The following ZNF577 variants were observed in gnomAD, a reference collection of about 807,000 sequenced individuals.
ZNF577 encodes the protein zinc finger protein 577.
A neutral mutation model predicts 13.9 loss-of-function variants in ZNF577; 14 were observed. The observed-to-expected ratio is 1.00, with a 90% CI of 0.66 to 1.57. The LOEUF (loss-of-function observed/expected upper bound fraction) is 1.57, where lower values mean the gene tolerates loss of function less well. ZNF577 is among the 40% of genes most tolerant of loss of function. The probability of loss-of-function intolerance (pLI) is 0.00; values close to 1 mark genes in which losing one functional copy is unlikely to be tolerated. For missense variants in ZNF577, 555 were observed against 579.2 expected (o/e 0.96, Z 0.43); for synonymous variants, 203 against 202.9 (o/e 1.00, Z 0.00).
At chr19:51,840,925 G>T (rs1249363893) in intron 8 of ZNF577, 1 of 152,122 alleles carries the variant, frequency 6.6e-6, no homozygotes, top group Non-Finnish European at 1.5e-5. Flanking sequence ...GGAGAATAAA[G>T]TATAGAGTTG....
Position 51,872,906 on chromosome 19 carries a change from CTT to C in ZNF577, c.1082_1083del (p.Lys361SerfsTer10). 9 of 1,614,194 alleles carry C rather than the reference CTT, an allele frequency of 5.6e-6. No individual in the cohort carries two copies. Among genetic ancestry groups the C allele is most frequent in the Non-Finnish European group, 7.6e-6 (9 of 1,180,028 alleles). On this transcript the variant is annotated frameshift_variant, in exon 6 of 6. Coordinates refer to ENST00000638348, the MANE Select transcript of ZNF577 (RefSeq NM_001370449.1). LOFTEE classifies it low-confidence loss of function (END_TRUNC). ...ERPYSCRECG[K>X]AFAHMSVLIK... The stretch of plus-strand genomic sequence containing the variant: ...ATGAGGACTGACATGTGGGCAAAGG[CTT>C]TGCCACATTCTCTGCATGAATATGG...
At chr19:51,806,795 G>A (rs2084061975) in intron 10 of ZNF577, among the ~76,000 whole-genome samples, 1 of 152,204 alleles carries the variant, frequency 6.6e-6, no homozygotes, top group African/African-American at 2.4e-5. Context: ...CAGCATATGA[G>A]AATAAGTGAA....
At chr19:51,834,769 A>G (rs2084280022) in intron 9 of ZNF577, among the ~76,000 whole-genome samples, 1 of 152,126 alleles carries the variant, frequency 6.6e-6, no homozygotes, top group Non-Finnish European at 1.5e-5. Context: ...CTGCAGCTTC[A>G]ACCTCTTGGG....
At chr19:51,843,379 G>A (rs534172374) in intron 6 of ZNF577, 12 of 152,244 alleles carry the variant, frequency 7.9e-5, no homozygotes, top group South Asian at 2.1e-4. Context: ...TATAAGACTC[G>A]TAGGACATTA....
downstream of ZNF577, among the ~76,000 whole-genome samples, chr19:51,866,134 A>G (rs774875717): frequency 7.9e-5 from 12 of 151,676 alleles, no homozygotes; most frequent in Non-Finnish European, 1.2e-4. Context: ...AAAATTAAAG[A>G]TATCTGGTTT....
chr19:51,859,479 T>C (rs2084474130), intron 5 of ZNF577, among the ~76,000 whole-genome samples: 1 of 152,200 alleles, frequency 6.6e-6, no homozygotes, highest in Admixed American at 6.5e-5. Flanking sequence ...AAACTTGAAA[T>C]ATATAGCCAT....
In ZNF577 at chr19:51,824,859, G is replaced by T; in HGVS notation, c.*600-13185C>A. ...GTCTCTTTCTACCCTGCGTTAAGCG[G>T]AAAAAAAAAATTCTGACAGTGTTTT... On this transcript the variant is annotated intron_variant and NMD_transcript_variant, in intron 9 of 10. Transcript: ENST00000638827. This position sits in a 1 kb window ranked among gnomAD's most constrained non-coding sequence, Gnocchi z 4.7. 1 of 1,352,074 alleles carries T rather than the reference G, an allele frequency of 7.4e-7. No individual in the cohort carries two copies. The highest frequency in any genetic ancestry group is 1.5e-5 in the South Asian group (1 of 67,804). 83.8% of individuals were successfully genotyped at this position (1,352,074 alleles called of 1,614,324 possible).
chr19:51,876,527 T>G (rs1324213392), intron 5 of ZNF577, among the ~76,000 whole-genome samples: 2 of 150,370 alleles, frequency 1.3e-5, no homozygotes, highest in Admixed American at 6.6e-5. Flanking sequence ...CCAAGAGACA[T>G]GGTGTGGAGG....
chr19:51,849,551 C>T (rs2084369829), intron 5 of ZNF577, among the ~76,000 whole-genome samples: 1 of 152,214 alleles, frequency 6.6e-6, no homozygotes, highest in South Asian at 2.1e-4. Context: ...TGATCTTAGA[C>T]TCCCTGCCCA....
At chr19:51,858,727 C>A (rs896313498) in intron 5 of ZNF577, among the ~76,000 whole-genome samples, 2 of 152,046 alleles carry the variant, frequency 1.3e-5, no homozygotes, top group Non-Finnish European at 2.9e-5. Flanking sequence ...AACTAGAATA[C>A]CCACTAGAAG....
intron 9 of ZNF577, among the ~76,000 whole-genome samples, chr19:51,812,115 A>T (rs1006808492): frequency 6.6e-6 from 1 of 152,224 alleles, no homozygotes; most frequent in African/African-American, 2.4e-5. Flanking sequence ...AAAACAGAAT[A>T]TGTTGGAGGT....
intron 1 of ZNF577, among the ~76,000 whole-genome samples, chr19:51,881,607 C>A (rs986758775): frequency 6.6e-6 from 1 of 152,178 alleles, no homozygotes; most frequent in Admixed American, 6.5e-5. Flanking sequence ...CCTTGTGATA[C>A]TTCCCTCCTA....
intron 8 of ZNF577, chr19:51,840,637 T>A (rs1294249100): frequency 6.6e-6 from 1 of 152,220 alleles, no homozygotes. Context: ...AAAGATCATG[T>A]GTATTCTGAA....
intron 5 of ZNF577, among the ~76,000 whole-genome samples, chr19:51,875,772 C>G (rs2084750727): frequency 6.6e-6 from 1 of 152,156 alleles, no homozygotes; most frequent in Non-Finnish European, 1.5e-5. Flanking sequence ...GGAATGAAGC[C>G]ATCACATCAA....
intron 9 of ZNF577, among the ~76,000 whole-genome samples, chr19:51,820,899 C>T (rs907979862): frequency 5.3e-5 from 8 of 152,202 alleles, no homozygotes; most frequent in South Asian, 2.1e-4. Context: ...CAGATTAACA[C>T]GTCTCATCTG....
chr19:51,870,749 C>T lies in ZNF577; in HGVS notation c.*1783G>A, dbSNP rs539517015. ...TTTGGGCCACCTTGAATTCCTCAAA[C>T]CCTAAACTCTGTCTCAATTCAGAGA... On this transcript the variant is annotated 3_prime_UTR_variant, in exon 6 of 6. Transcript: ENST00000638348. 2.1e-4 allele frequency among the ~76,000 whole-genome samples: 32 copies of T among 152,210 alleles called. No homozygotes were observed. Among genetic ancestry groups the T allele is most frequent in the African/African-American group, 7.2e-4 (30 of 41,524 alleles).
chr19:51,838,300 A>G (rs1450365174), intron 9 of ZNF577, among the ~76,000 whole-genome samples: 3 of 152,084 alleles, frequency 2.0e-5, no homozygotes, highest in African/African-American at 4.8e-5. Flanking sequence ...GCGGGGTGGG[A>G]GTATTGGAAT....
rs142704117 is a variant in ZNF577 at position 51,874,084 on chromosome 19, T to G, written c.284-378A>C. On this transcript the variant is annotated intron_variant, in intron 5 of 5. Transcript: ENST00000638348. Reference sequence around the variant, plus strand: ...CAGCAACTTCAGCAACAACAATGGATACTCTATAATGAATCAATACAACTT... The same window carrying G: ...CAGCAACTTCAGCAACAACAATGGAGACTCTATAATGAATCAATACAACTT... 6.9e-3 allele frequency among the ~76,000 whole-genome samples: 1,051 copies of G among 152,340 alleles called. 7 individuals carry two copies. The highest frequency in any genetic ancestry group is 0.024 in the African/African-American group (1,007 of 41,572).
At chr19:51,885,293 A>G (rs11878583) in intron 1 of ZNF577, among the ~76,000 whole-genome samples, 32,762 of 152,098 alleles carry the variant, frequency 0.22, 4,250 homozygotes, top group South Asian at 0.41. Context: ...AGACAAGACC[A>G]TTTAGCCGGC....
Sources: gnomAD v4.1 joint callset for allele counts (sites outside exome capture counted in the v4.1 genomes callset) on GRCh38, gnomAD v4.1.1 for gene constraint, Gnocchi (gnomAD v3.1) non-coding constraint, MANE v1.5 for transcripts, NCBI Gene and HGNC (gene_info 2026-07-23, HGNC 2026-07-21) for gene names.